The following SLC39A14 variants were observed in gnomAD, a reference collection of about 807,000 sequenced individuals.
The protein encoded by SLC39A14 is metal cation symporter ZIP14.
A neutral mutation model predicts 45.5 loss-of-function variants in SLC39A14; 19 were observed. That is an observed-to-expected ratio of 0.42 (90% CI 0.29 to 0.61). SLC39A14 has a LOEUF of 0.61. Among genes scored for constraint, SLC39A14 ranks in the 20% least tolerant of loss-of-function variants. SLC39A14 has a pLI of 0.22. For missense variants in SLC39A14, 447 were observed against 616.5 expected, an observed-to-expected ratio of 0.73 and a Z score of 2.91; for synonymous variants, 264 against 251.3, an observed-to-expected ratio of 1.05 and a Z score of -0.48.
chr8:22,409,348 C>T (rs908759252), intron 3 of SLC39A14, among the ~76,000 whole-genome samples: 1 of 152,032 alleles, frequency 6.6e-6, no homozygotes, highest in Non-Finnish European at 1.5e-5. Flanking sequence ...CTGTTTTCTG[C>T]TGTCGTTATT....
At chr8:22,393,970 G>A (rs1271299767) in intron 1 of SLC39A14, among the ~76,000 whole-genome samples, 7 of 151,484 alleles carry the variant, frequency 4.6e-5, no homozygotes, top group Non-Finnish European at 5.9e-5. Flanking sequence ...ACCGCCCCCA[G>A]CCCTGTAATG....
chr8:22,413,792 T>G (rs1835717755), intron 4 of SLC39A14, among the ~76,000 whole-genome samples: 1 of 152,166 alleles, frequency 6.6e-6, no homozygotes, highest in South Asian at 2.1e-4. Context: ...TTTGTTTGTT[T>G]TTGAGACAGT....
chr8:22,400,435 CT>C (rs1401421447), intron 1 of SLC39A14, among the ~76,000 whole-genome samples: 3 of 152,238 alleles, frequency 2.0e-5, no homozygotes, highest in Admixed American at 2.0e-4. Flanking sequence ...AGACCTCCCC[CT>C]TGTTTTGACA....
Position 22,408,337 on chromosome 8 carries a change from G to A in SLC39A14, c.298G>A (p.Ala100Thr). ...TCFSSGDLFTAHNFSEQSRIG... is the reference protein window; with the variant it reads ...TCFSSGDLFTTHNFSEQSRIG... The stretch of plus-strand genomic sequence containing the variant: ...CTTTAGTTCTGGAGACCTCTTCACT[G>A]CCCACAATTTCAGCGAGCAGTCGCG... The change falls in exon 3 of 9, where the codon GCC (alanine) becomes ACC (threonine). Residue 100 changes from alanine to threonine, a missense_variant. Transcript: ENST00000381237. 2 of 1,614,148 alleles carry A rather than the reference G, an allele frequency of 1.2e-6. No individual in the cohort carries two copies. The highest frequency in any genetic ancestry group is 2.2e-5 in the South Asian group (2 of 91,070).
intron 2 of SLC39A14, among the ~76,000 whole-genome samples, chr8:22,405,343 A>G (rs558986410): frequency 2.9e-3 from 446 of 152,190 alleles, no homozygotes; most frequent in Non-Finnish European, 4.7e-3. Flanking sequence ...TGAAACCCCA[A>G]CTCTACTAGA....
chr8:22,380,169 C>T (rs767793276), intron 1 of SLC39A14, among the ~76,000 whole-genome samples: 16 of 152,016 alleles, frequency 1.1e-4, no homozygotes, highest in South Asian at 2.1e-4. Context: ...ATCCTGGAGG[C>T]GGAGAGGGTG....
chr8:22,415,684 G>A (rs1835830420), intron 5 of SLC39A14, 85 bp from the exon 6 acceptor site: 2 of 1,301,490 alleles, frequency 1.5e-6, no homozygotes, highest in Non-Finnish European at 2.1e-6. Context: ...CTTCCAGTGT[G>A]TGAAGCACTT....
intron 1 of SLC39A14, among the ~76,000 whole-genome samples, chr8:22,399,763 G>A (rs896963338): frequency 6.6e-6 from 1 of 152,248 alleles, no homozygotes; most frequent in Admixed American, 6.5e-5. Flanking sequence ...CGCTGGGTCT[G>A]GGAAAAGTAA....
Position 22,391,661 on chromosome 8 carries a change from C to G in SLC39A14, c.-15-13035C>G, listed in dbSNP as rs549335253. ...TCTCGGCTCACTGCAACTTCTGTCT[C>G]CCGGGTTCAAGCAATTCTCTGCCTC... On this transcript the variant is annotated intron_variant, in intron 1 of 8. Coordinates refer to ENST00000381237, the MANE Select transcript of SLC39A14 (RefSeq NM_001128431.4). 3.9e-5 allele frequency among the ~76,000 whole-genome samples: 6 copies of G among 152,072 alleles called. No individual in the cohort carries two copies. In the East Asian group the frequency reaches 9.7e-4, roughly 25 times the overall value.
chr8:22,393,271 CAG>C (rs1834182226), intron 1 of SLC39A14: 1 of 982,834 alleles, frequency 1.0e-6, no homozygotes, highest in Non-Finnish European at 1.2e-6. Context: ...CAAGAGGAGG[CAG>C]GGGGAGAATG....
At chr8:22,385,546 GC>G (rs1563503777) in intron 1 of SLC39A14, among the ~76,000 whole-genome samples, 2 of 152,210 alleles carry the variant, frequency 1.3e-5, no homozygotes, top group African/African-American at 4.8e-5. Flanking sequence ...AGGTGCAAAG[GC>G]TCTGAGGTCA....
downstream of SLC39A14, among the ~76,000 whole-genome samples, chr8:22,424,093 ATTAGT>A (rs1413283937): frequency 1.3e-5 from 2 of 152,162 alleles, no homozygotes; most frequent in African/African-American, 2.4e-5. Flanking sequence ...GCCAAAATCG[ATTAGT>A]TTATCTCTTT....
At chr8:22,405,060 G>C in intron 2 of SLC39A14, 80 bp downstream of exon 2, 1 of 1,359,740 alleles carries the variant, frequency 7.4e-7, no homozygotes, top group Non-Finnish European at 1.0e-6. Flanking sequence ...TTGGGCCCAG[G>C]GCAGCCTGGC....
chr8:22,428,605 C>A (rs1836423392), intron 8 of SLC39A14, among the ~76,000 whole-genome samples: 1 of 151,580 alleles, frequency 6.6e-6, no homozygotes, highest in South Asian at 2.1e-4. Flanking sequence ...ACCACACCCA[C>A]CTAATTTTTG....
At chr8:22,377,714 C>A (rs1340021346) in intron 1 of SLC39A14, among the ~76,000 whole-genome samples, 1 of 152,086 alleles carries the variant, frequency 6.6e-6, no homozygotes. Flanking sequence ...TTATCGTGGC[C>A]CTGATTAACA....
intron 2 of SLC39A14, among the ~76,000 whole-genome samples, 160 bp from the exon 3 acceptor site, chr8:22,408,150 C>G (rs1172286313): frequency 2.0e-5 from 3 of 152,192 alleles, no homozygotes; most frequent in Non-Finnish European, 2.9e-5. Flanking sequence ...TAGGGAATAC[C>G]TTGCCCTCAT....
intron 3 of SLC39A14, 50 bp from the exon 4 acceptor site, chr8:22,411,987 T>C (rs1326434515): frequency 3.1e-5 from 46 of 1,507,322 alleles, no homozygotes; most frequent in Non-Finnish European, 3.8e-5. Context: ...ATGGGGCATG[T>C]GCCTTCTCTC....
chr8:22,379,125 G>A (rs778279841), intron 1 of SLC39A14, among the ~76,000 whole-genome samples: 4 of 152,022 alleles, frequency 2.6e-5, no homozygotes, highest in South Asian at 2.1e-4. Context: ...CTGTCTTCAC[G>A]TGGCCTTCCC....
downstream of SLC39A14, among the ~76,000 whole-genome samples, chr8:22,423,331 TG>T: frequency 7.1e-6 from 1 of 141,124 alleles, no homozygotes; most frequent in Non-Finnish European, 1.5e-5. Flanking sequence ...TTGTTGTTGT[TG>T]TTGTTTTGTT....
Sources: allele counts gnomAD v4.1 joint callset (sites outside exome capture counted in the v4.1 genomes callset), GRCh38; gene constraint gnomAD v4.1.1; transcripts MANE v1.5; gene names NCBI Gene and HGNC (gene_info 2026-07-23, HGNC 2026-07-21).